CYP2C19: variants seen among roughly 807,000 people sequenced by gnomAD.
CYP2C19 encodes cytochrome P450 family 2 subfamily C member 19.
In CYP2C19, 59 loss-of-function variants were observed where a neutral mutation model predicts 40.9. The ratio of observed to expected loss-of-function variants is 1.44; its 90% CI spans 1.17 to 1.79. The LOEUF is 1.79. CYP2C19 is among the 40% of genes most tolerant of loss of function. The probability of loss-of-function intolerance (pLI) is 0.00; values close to 1 mark genes in which losing one functional copy is unlikely to be tolerated. For missense variants in CYP2C19, 754 were observed against 596.9 expected (o/e 1.26, Z -2.74); for synonymous variants, 253 against 208.7 (o/e 1.21, Z -1.83).
At chr10:94,774,586 C>T (rs980343934) in intron 1 of CYP2C19, 2 of 175,410 alleles carry the variant, frequency 1.1e-5, no homozygotes, top group Non-Finnish European at 2.4e-5. Flanking sequence ...ATGATGCATG[C>T]TAATCATAAA....
intron 5 of CYP2C19, among the ~76,000 whole-genome samples, chr10:94,807,150 C>T (rs1461208424): frequency 6.6e-6 from 1 of 152,094 alleles, no homozygotes; most frequent in Non-Finnish European, 1.5e-5. Context: ...TTTATCTTTC[C>T]ATGCCAGGCT....
At chr10:94,832,801 T>G (rs558528873) in intron 6 of CYP2C19, among the ~76,000 whole-genome samples, 6 of 152,180 alleles carry the variant, frequency 3.9e-5, no homozygotes, top group African/African-American at 1.4e-4. Context: ...CTGTGAAGAA[T>G]GTCATTTGTA....
chr10:94,821,775 C>T (rs1464026419), intron 6 of CYP2C19, among the ~76,000 whole-genome samples: 7 of 151,826 alleles, frequency 4.6e-5, no homozygotes, highest in Non-Finnish European at 5.9e-5. Context: ...TAACCTATAA[C>T]GTTCTAGAAG....
chr10:94,775,637 G>T, intron 3 of CYP2C19, 98 bp downstream of exon 3: 2 of 1,600,622 alleles, frequency 1.2e-6, no homozygotes, highest in Non-Finnish European at 1.7e-6. Flanking sequence ...TCTTTTATTT[G>T]GAGTCCTGGT....
intron 3 of CYP2C19, among the ~76,000 whole-genome samples, chr10:94,777,931 C>A (rs983835443): frequency 1.3e-5 from 2 of 151,910 alleles, no homozygotes; most frequent in Non-Finnish European, 2.9e-5. Context: ...CCACAAGGAA[C>A]TTAAACAAAT....
At chr10:94,810,830 A>G (rs1848911614) in intron 5 of CYP2C19, among the ~76,000 whole-genome samples, 1 of 152,090 alleles carries the variant, frequency 6.6e-6, no homozygotes, top group Non-Finnish European at 1.5e-5. Flanking sequence ...TTTTCAGAAA[A>G]TTAACTCCTG....
intron 5 of CYP2C19, among the ~76,000 whole-genome samples, chr10:94,816,091 TA>T (rs1406545743): frequency 6.2e-5 from 9 of 144,010 alleles, no homozygotes; most frequent in Admixed American, 2.0e-4. Flanking sequence ...TCTGCTTATA[TA>T]TTTTTTTTGC....
At chr10:94,830,074 C>A (rs1359656093) in intron 6 of CYP2C19, among the ~76,000 whole-genome samples, 2 of 152,180 alleles carry the variant, frequency 1.3e-5, no homozygotes, top group African/African-American at 4.8e-5. Context: ...CAGACAGGGA[C>A]ATTTAAGTCT....
At position 94,800,576 on chromosome 10, in the gene CYP2C19, T is replaced by G. The variant is rs188516941; in HGVS notation, c.819+18579T>G. 4.9e-4 allele frequency among the ~76,000 whole-genome samples: 74 copies of G among 152,324 alleles called. No individual in the cohort carries two copies. The East Asian group carries it at 0.01, about 21-fold the overall frequency. On this transcript the variant is annotated intron_variant, in intron 5 of 8. Transcript: ENST00000371321. ...CTTCAGAGCTGTCAGATAGGGATGT[T>G]TAAGTCTGCAGAAGTTGTCTGCTGC...
intron 1 of CYP2C19, among the ~76,000 whole-genome samples, chr10:94,764,238 T>A (rs1848211630): frequency 6.6e-6 from 1 of 152,136 alleles, no homozygotes; most frequent in African/African-American, 2.4e-5. Context: ...ATTCCCTTAT[T>A]TGGCCCCACC....
intron 6 of CYP2C19, among the ~76,000 whole-genome samples, chr10:94,830,341 G>C (rs774737060): frequency 6.6e-6 from 1 of 152,062 alleles, no homozygotes; most frequent in Non-Finnish European, 1.5e-5. Context: ...AGCCAGGTGC[G>C]GGATATAATC....
chr10:94,833,789 T>C (rs1396442757), intron 6 of CYP2C19, among the ~76,000 whole-genome samples: 1 of 152,258 alleles, frequency 6.6e-6, no homozygotes, highest in East Asian at 1.9e-4. Flanking sequence ...TCTGTTGATA[T>C]GATGTATCAC....
intron 8 of CYP2C19, among the ~76,000 whole-genome samples, 183 bp from the exon 9 acceptor site, chr10:94,852,550 A>T (rs1372982815): frequency 1.3e-5 from 2 of 152,098 alleles, no homozygotes; most frequent in Admixed American, 1.3e-4. Flanking sequence ...TCATCCATTA[A>T]TCCTTCCACC....
intron 5 of CYP2C19, among the ~76,000 whole-genome samples, chr10:94,803,702 A>C (rs1425184352): frequency 1.3e-5 from 2 of 152,182 alleles, no homozygotes; most frequent in African/African-American, 4.8e-5. Flanking sequence ...AGTACTCTGC[A>C]GGGGTAAGGG....
intron 5 of CYP2C19, among the ~76,000 whole-genome samples, chr10:94,810,175 C>T (rs1307819649): frequency 3.3e-5 from 5 of 152,042 alleles, no homozygotes; most frequent in South Asian, 4.2e-4. Context: ...CCACGTCGCC[C>T]GGCCTACATT....
intron 1 of CYP2C19, among the ~76,000 whole-genome samples, chr10:94,765,711 T>C (rs1187500503): frequency 6.6e-6 from 1 of 152,094 alleles, no homozygotes; most frequent in Non-Finnish European, 1.5e-5. Flanking sequence ...TTACAAAGCC[T>C]GGACTGTTTG....
At chr10:94,823,509 C>G (rs1206145286) in intron 6 of CYP2C19, among the ~76,000 whole-genome samples, 1 of 152,134 alleles carries the variant, frequency 6.6e-6, no homozygotes, top group East Asian at 1.9e-4. Flanking sequence ...AGAGAAATGA[C>G]ATTTTTCTTT....
At position 94,842,990 on chromosome 10, in the gene CYP2C19, G is replaced by C. The variant is rs774946956; in HGVS notation, c.1115G>C (p.Cys372Ser). ...ACCAGCCTGCCCCATGCAGTGACCTGTGACGTTAAATTCAGAAACTACCTC... is the reference window on the plus strand; with the variant it reads ...ACCAGCCTGCCCCATGCAGTGACCTCTGACGTTAAATTCAGAAACTACCTC... ...IPTSLPHAVT[C>S]DVKFRNYLIP... The change falls in exon 7 of 9, where the codon TGT becomes TCT. Residue 372 changes from cysteine (C) to serine (S), a missense_variant. Coordinates refer to ENST00000371321, the MANE Select transcript of CYP2C19 (RefSeq NM_000769.4). The C allele has an allele frequency of 6.2e-7, 1 of 1,614,074 alleles. No individual in the cohort carries two copies. The highest frequency in any genetic ancestry group is 1.3e-5 in the African/African-American group (1 of 74,910).
intron 6 of CYP2C19, among the ~76,000 whole-genome samples, chr10:94,840,228 CT>C (rs113238504): frequency 0.02 from 2,844 of 142,382 alleles, 65 homozygotes; most frequent in African/African-American, 0.059. Flanking sequence ...ATGGGGCACA[CT>C]TTTTTTTTTT....
Sources: gnomAD v4.1 joint callset for allele counts (sites outside exome capture counted in the v4.1 genomes callset) on GRCh38, gnomAD v4.1.1 for gene constraint, MANE v1.5 for transcripts, NCBI Gene and HGNC (gene_info 2026-07-23, HGNC 2026-07-21) for gene names.